GABRA4: variants seen among roughly 807,000 people sequenced by gnomAD.
GABRA4 encodes the protein gamma-aminobutyric acid receptor subunit alpha-4.
In GABRA4, 12 loss-of-function variants were observed where a neutral mutation model predicts 49.7. The observed-to-expected ratio is 0.24, with a 90% CI of 0.15 to 0.39. The LOEUF (loss-of-function observed/expected upper bound fraction) is 0.39. GABRA4 is among the 10% of genes least tolerant of loss of function. The pLI, the probability that GABRA4 is intolerant of heterozygous loss-of-function variation, is 1.00. For synonymous variants in GABRA4, 288 were observed against 240.2 expected, an observed-to-expected ratio of 1.20 and a Z score of -1.84; for missense variants, 506 against 686.0, an observed-to-expected ratio of 0.74 and a Z score of 2.93.
chr4:46,974,317 A>C lies in GABRA4; in HGVS notation c.636T>G (p.Val212=). 6.2e-7 allele frequency: 1 copy of C among 1,611,868 alleles called. No individual in the cohort carries two copies. The highest frequency in any genetic ancestry group is 1.7e-5 in the Admixed American group (1 of 59,852). Residue 212 remains valine, a synonymous_variant, in exon 6 of 9, where the codon GTT becomes GTG. Transcript: ENST00000264318. ...YTWTKGPEKS[V]EVPKESSSLV... ...AGCTGGAAGACTCCTTCGGAACTTC[A>C]ACTGATTTCTCAGGACCTTTTGTCC...
At position 46,983,738 on chromosome 4, in the gene GABRA4, C is replaced by T. The variant is rs374592538; in HGVS notation, c.206-4640G>A. ...GTTTAGGATGTTCAAATCAAACTTA[C>T]TCAGAGTATAATTACATGGAAACCA... On this transcript the variant is annotated intron_variant, in intron 2 of 8. Transcript: ENST00000264318. Among the ~76,000 whole-genome samples the T allele has an allele frequency of 1.3e-4, 20 of 152,198 alleles. No homozygotes were observed. In the East Asian group the frequency reaches 2.9e-3, roughly 22 times the overall value.
chr4:46,935,630 G>C (rs868442217), intron 8 of GABRA4, among the ~76,000 whole-genome samples: 1 of 151,934 alleles, frequency 6.6e-6, no homozygotes, highest in Non-Finnish European at 1.5e-5. Context: ...GAGAACACAC[G>C]GACACAGGGA....
At chr4:46,932,547 G>A (rs1721475225) in intron 8 of GABRA4, among the ~76,000 whole-genome samples, 1 of 151,976 alleles carries the variant, frequency 6.6e-6, no homozygotes, top group Admixed American at 6.6e-5. Context: ...TCATAATAGA[G>A]TATTGTTTAA....
At chr4:46,954,680 A>T (rs1012663085) in intron 8 of GABRA4, among the ~76,000 whole-genome samples, 1 of 152,126 alleles carries the variant, frequency 6.6e-6, no homozygotes, top group East Asian at 1.9e-4. Flanking sequence ...TCACTTCATC[A>T]TTTAACAGAT....
At chr4:46,971,421 A>G (rs17599416) in intron 6 of GABRA4, among the ~76,000 whole-genome samples, 186 bp from the exon 7 acceptor site, 20,605 of 151,498 alleles carry the variant, frequency 0.14, 2,011 homozygotes, top group Admixed American at 0.32. Flanking sequence ...GAACGTTATT[A>G]TACAGAAAAA....
Position 46,920,961 on chromosome 4 carries a change from TTA to T in GABRA4, c.*7262_*7263del, listed in dbSNP as rs1721002936. Reference sequence around the variant, plus strand: ...CATTTGTGTAATTCTTTTTTGCAGGTTAGTATTTTCAATTAAATTAATCGGTT... The same window carrying T: ...CATTTGTGTAATTCTTTTTTGCAGGTGTATTTTCAATTAAATTAATCGGTT... On this transcript the variant is annotated 3_prime_UTR_variant, in exon 9 of 9. Transcript: ENST00000264318. 1 of 151,812 alleles carries T rather than the reference TTA, an allele frequency of 6.6e-6. No homozygotes were observed. The highest frequency in any genetic ancestry group is 2.1e-4 in the South Asian group (1 of 4,832). 9.4% of individuals were successfully genotyped at this position (151,812 alleles called of 1,614,324 possible).
intron 8 of GABRA4, among the ~76,000 whole-genome samples, chr4:46,929,474 A>G (rs1202919425): frequency 6.6e-6 from 1 of 152,132 alleles, no homozygotes; most frequent in East Asian, 1.9e-4. Context: ...AATTCAAACC[A>G]TTAACCAATA....
chr4:46,963,308 G>C (rs1722644415), intron 8 of GABRA4, among the ~76,000 whole-genome samples: 1 of 151,708 alleles, frequency 6.6e-6, no homozygotes, highest in Non-Finnish European at 1.5e-5. Flanking sequence ...ATAAGATCTG[G>C]CTGTGTTCTC....
intron 8 of GABRA4, among the ~76,000 whole-genome samples, chr4:46,937,983 GT>G (rs1159183045): frequency 6.6e-6 from 1 of 152,074 alleles, no homozygotes; most frequent in African/African-American, 2.4e-5. Context: ...GTGTACATGT[GT>G]TTTGGATTTC....
At chr4:46,929,178 G>T (rs992278064) in intron 8 of GABRA4, among the ~76,000 whole-genome samples, 14 of 151,798 alleles carry the variant, frequency 9.2e-5, no homozygotes, top group Non-Finnish European at 1.8e-4. Context: ...TTTATAAACA[G>T]GGAGAACTAT....
chr4:46,930,220 T>A lies in GABRA4; in HGVS notation c.1135-1465A>T, dbSNP rs750940699. Among the ~76,000 whole-genome samples, 3 of 152,056 alleles carry A rather than the reference T, an allele frequency of 2.0e-5. No homozygotes were observed. In the East Asian group the frequency reaches 5.8e-4, roughly 29 times the overall value. On this transcript the variant is annotated intron_variant, in intron 8 of 8. Coordinates refer to ENST00000264318, the MANE Select transcript of GABRA4 (RefSeq NM_000809.4). ...TAATGAGAAATTGTAGCCTAACATA[T>A]GGCACTGAATTTGGGTGGAGAAAAT... is the stretch of plus-strand genomic sequence containing the variant.
At chr4:46,971,414 C>A (rs1008644783) in intron 6 of GABRA4, among the ~76,000 whole-genome samples, 179 bp from the exon 7 acceptor site, 1 of 151,384 alleles carries the variant, frequency 6.6e-6, no homozygotes, top group African/African-American at 2.4e-5. Context: ...TGATATTGAA[C>A]GTTATTATAC....
intron 8 of GABRA4, among the ~76,000 whole-genome samples, chr4:46,934,965 A>G (rs1348899720): frequency 6.6e-6 from 1 of 152,184 alleles, no homozygotes; most frequent in Admixed American, 6.6e-5. Flanking sequence ...AAAAGAGTGC[A>G]AAGGACACTC....
intron 6 of GABRA4, among the ~76,000 whole-genome samples, chr4:46,972,545 G>T (rs1451448207): frequency 1.3e-5 from 2 of 151,358 alleles, no homozygotes. Flanking sequence ...CACAATCTAT[G>T]CCACAAATAT....
intron 8 of GABRA4, among the ~76,000 whole-genome samples, chr4:46,945,039 C>A (rs919107096): frequency 1.3e-5 from 2 of 152,118 alleles, no homozygotes; most frequent in African/African-American, 4.8e-5. Context: ...CTTGTATACT[C>A]AAAATGTTCC....
intron 8 of GABRA4, among the ~76,000 whole-genome samples, chr4:46,949,536 A>G (rs985297675): frequency 6.6e-6 from 1 of 152,116 alleles, no homozygotes. Context: ...TCCATTGTAG[A>G]TTAATTGGAA....
chr4:46,959,838 G>A (rs871208), intron 8 of GABRA4, among the ~76,000 whole-genome samples: 13,132 of 135,258 alleles, frequency 0.097, 716 homozygotes, highest in South Asian at 0.24. Flanking sequence ...ATATATATGT[G>A]TGTGTGTGTG....
intron 8 of GABRA4, among the ~76,000 whole-genome samples, chr4:46,962,737 A>C (rs1290913826): frequency 1.3e-5 from 2 of 151,956 alleles, no homozygotes; most frequent in Admixed American, 1.3e-4. Context: ...TCAAAACAAC[A>C]TGGTACTGGC....
At chr4:46,977,247 G>T in intron 4 of GABRA4, 104 bp from the exon 5 acceptor site, 1 of 617,154 alleles carries the variant, frequency 1.6e-6, no homozygotes, top group Non-Finnish European at 2.6e-6. Flanking sequence ...AAGGAAGAAG[G>T]GAGGGAAGAA....
Sources: gnomAD v4.1 joint callset for allele counts (sites outside exome capture counted in the v4.1 genomes callset) on GRCh38, gnomAD v4.1.1 for gene constraint, MANE v1.5 for transcripts, NCBI Gene and HGNC (gene_info 2026-07-23, HGNC 2026-07-21) for gene names.